CYRIB: variants seen among roughly 807,000 people sequenced by gnomAD.
The protein encoded by CYRIB is CYFIP related Rac1 interactor B.
In CYRIB, 8 loss-of-function variants were observed where a neutral mutation model predicts 44.2. The observed-to-expected ratio is 0.18, with a 90% CI of 0.11 to 0.33. The LOEUF is 0.33. Ranked by LOEUF, CYRIB falls within the 10% of genes least tolerant of loss-of-function variation. The probability of loss-of-function intolerance (pLI) is 1.00; values close to 1 mark genes in which losing one functional copy is unlikely to be tolerated. For missense variants in CYRIB, 185 were observed against 382.8 expected (o/e 0.48, Z 4.31); for synonymous variants, 131 against 127.2 (o/e 1.03, Z -0.20).
At chr8:130,002,011 T>C (rs2133930323) in intron 1 of CYRIB, among the ~76,000 whole-genome samples, 1 of 152,338 alleles carries the variant, frequency 6.6e-6, no homozygotes, top group East Asian at 1.9e-4. Flanking sequence ...CTAGCTGTCT[T>C]TCTTTAATCA....
rs1345379354 is a variant in CYRIB, at chr8:129,849,460, T to C, written c.714-91A>G. ...CACAAGAAAAACCTCTTCTGAAATATTTTATTCAAATTTCTATCCATTAGT... is the reference window on the plus strand; with the variant it reads ...CACAAGAAAAACCTCTTCTGAAATACTTTATTCAAATTTCTATCCATTAGT... On this transcript the variant is annotated intron_variant, in intron 9 of 11. Transcript: ENST00000519824. The C allele has an allele frequency of 7.0e-6, 9 of 1,293,876 alleles. No homozygotes were observed. The Middle Eastern group carries it at 7.9e-4, about 114-fold the overall frequency. 80.1% of individuals were successfully genotyped at this position (1,293,876 alleles called of 1,614,324 possible).
chr8:129,961,240 TC>T (rs1170719998), intron 2 of CYRIB, among the ~76,000 whole-genome samples: 7 of 152,036 alleles, frequency 4.6e-5, no homozygotes, highest in African/African-American at 1.7e-4. Flanking sequence ...AATATTTATT[TC>T]CCCCCTGTTC....
intron 2 of CYRIB, among the ~76,000 whole-genome samples, chr8:129,891,016 AG>A (rs2065153031): frequency 1.3e-5 from 2 of 152,212 alleles, no homozygotes; most frequent in African/African-American, 4.8e-5. Flanking sequence ...GGATCTTTCA[AG>A]TCCTGTCATA....
intron 4 of CYRIB, among the ~76,000 whole-genome samples, chr8:129,866,705 C>G (rs185258703): frequency 1.3e-5 from 2 of 152,290 alleles, no homozygotes; most frequent in Non-Finnish European, 2.9e-5. Flanking sequence ...TCAATTCATT[C>G]TCACAATATA....
intron 1 of CYRIB, among the ~76,000 whole-genome samples, chr8:129,921,020 T>C (rs1205958450): frequency 9.2e-5 from 14 of 152,090 alleles, no homozygotes; most frequent in Admixed American, 5.2e-4. Context: ...TGGAGAAAAA[T>C]GTTGATCTAT....
chr8:130,007,550 C>T (rs1043228018), intron 1 of CYRIB, among the ~76,000 whole-genome samples: 38 of 152,154 alleles, frequency 2.5e-4, no homozygotes, highest in East Asian at 9.7e-4. Flanking sequence ...TTTGGGAGGC[C>T]GAGGCAGGTG....
At chr8:129,885,087 A>G (rs1315353600) in intron 2 of CYRIB, among the ~76,000 whole-genome samples, 1 of 152,230 alleles carries the variant, frequency 6.6e-6, no homozygotes, top group Non-Finnish European at 1.5e-5. Flanking sequence ...TATTTCCTCT[A>G]TCTTTCTAGA....
exon 11 of CYRIB, chr8:129,846,823 C>G: frequency 6.3e-7 from 1 of 1,596,378 alleles, no homozygotes. Flanking sequence ...TTTAGAAGAC[C>G]TTCCACACTA....
In CYRIB at chr8:129,924,300, G is replaced by GGGC. The variant is rs2085985673; in HGVS notation, c.-50+15307_-50+15308insGCC. Among the ~76,000 whole-genome samples, 2 of 97,060 alleles carry GGGC rather than the reference G, an allele frequency of 2.1e-5. 1 individual carries two copies. The highest frequency in any genetic ancestry group is 4.4e-5 in the Non-Finnish European group (2 of 45,286). The allele number at this position is 97,060 out of a possible 152,430, so 63.7% of individuals were successfully genotyped here. The stretch of plus-strand genomic sequence containing the variant: ...AAAAAAAAAAAAAAACCGGGGGGGG[G>GGGC]GGGGGTGGCGGGGGGGGTGTTACTT... On this transcript the variant is annotated intron_variant, in intron 1 of 11. Transcript: ENST00000519824.
At chr8:129,896,989 A>G (rs759944983) in intron 2 of CYRIB, 10 of 152,230 alleles carry the variant, frequency 6.6e-5, no homozygotes, top group Non-Finnish European at 1.0e-4. Context: ...GAGTTAAAAG[A>G]TAAGGTATTC....
chr8:130,011,295 T>C (rs1412814850), intron 1 of CYRIB, among the ~76,000 whole-genome samples: 22 of 144,114 alleles, frequency 1.5e-4, no homozygotes, highest in Middle Eastern at 4.3e-3. Context: ...CTGAGGTGGG[T>C]AGATCACCTG....
chr8:129,949,110 A>G (rs908698723), intron 2 of CYRIB: 4 of 152,192 alleles, frequency 2.6e-5, no homozygotes, highest in Non-Finnish European at 5.9e-5. Flanking sequence ...AATTGTGTCT[A>G]TAGTCATTAA....
At chr8:129,889,701 C>T (rs937541917) in intron 2 of CYRIB, among the ~76,000 whole-genome samples, 1 of 152,004 alleles carries the variant, frequency 6.6e-6, no homozygotes, top group Non-Finnish European at 1.5e-5. Context: ...CTTAGAAGGG[C>T]CTTTAAGATG....
chr8:129,934,674 C>A (rs973170676), intron 1 of CYRIB, among the ~76,000 whole-genome samples: 8 of 152,066 alleles, frequency 5.3e-5, no homozygotes, highest in African/African-American at 1.9e-4. Flanking sequence ...CTTAAGAGGA[C>A]CCATTTAGGA....
Position 129,849,370 on chromosome 8 carries a change from CTGAAGAGTAGATAAGATA to C in CYRIB, c.714-19_714-2del. 1 of 1,605,140 alleles carries C rather than the reference CTGAAGAGTAGATAAGATA, an allele frequency of 6.2e-7. No individual in the cohort carries two copies. Among genetic ancestry groups the C allele is most frequent in the Non-Finnish European group, 8.5e-7 (1 of 1,177,716 alleles). On this transcript the variant is annotated splice_acceptor_variant and splice_polypyrimidine_tract_variant and intron_variant, in intron 9 of 11. Coordinates refer to ENST00000519824, the Ensembl canonical transcript of CYRIB. LOFTEE classifies it high-confidence loss of function. ...ATTTGTAAATCTGCTTCTGTATTCCCTGAAGAGTAGATAAGATATGCATGGAAGAAGTGCATTACAAAA... is the reference window on the plus strand; with the variant it reads ...ATTTGTAAATCTGCTTCTGTATTCCCTGCATGGAAGAAGTGCATTACAAAA...
chr8:130,010,109 G>T (rs576749445), intron 1 of CYRIB, among the ~76,000 whole-genome samples: 1 of 152,182 alleles, frequency 6.6e-6, no homozygotes, highest in African/African-American at 2.4e-5. Flanking sequence ...TGCTGGGAGG[G>T]GGAAAAGACA....
At chr8:130,000,320 C>CT (rs1179874030) in intron 1 of CYRIB, among the ~76,000 whole-genome samples, 1 of 152,120 alleles carries the variant, frequency 6.6e-6, no homozygotes, top group Non-Finnish European at 1.5e-5. Context: ...ACATGTCCCC[C>CT]TTTTGCATCT....
chr8:129,871,423 G>A (rs148423521), exon 4 of CYRIB: 245 of 1,611,656 alleles, frequency 1.5e-4, no homozygotes, highest in Non-Finnish European at 1.9e-4. Context: ...AGTCCTCCAA[G>A]ATGCCTTCTG....
exon 1 of CYRIB, chr8:129,939,794 G>A (rs1432152067): frequency 6.6e-6 from 1 of 152,372 alleles, no homozygotes; most frequent in East Asian, 1.9e-4. Flanking sequence ...GCAGCTCCGA[G>A]CGGGGAGGGC....
Sources: gnomAD v4.1 joint callset for allele counts (sites outside exome capture counted in the v4.1 genomes callset) on GRCh38, gnomAD v4.1.1 for gene constraint, MANE v1.5 for transcripts, NCBI Gene and HGNC (gene_info 2026-07-23, HGNC 2026-07-21) for gene names.